CYB5B: variants seen among roughly 807,000 people sequenced by gnomAD.
The protein encoded by CYB5B is cytochrome b5 type B.
In CYB5B, 14 loss-of-function variants were observed where a neutral mutation model predicts 21.3. The observed-to-expected ratio is 0.66, with a 90% CI of 0.43 to 1.03. The LOEUF is 1.03. Among genes scored for constraint, CYB5B ranks in the 50% least tolerant of loss-of-function variants. CYB5B has a pLI of 0.00. For synonymous variants in CYB5B, 69 were observed against 68.4 expected (o/e 1.01, Z -0.04); for missense variants, 166 against 185.1 (o/e 0.90, Z 0.60).
chr16:69,428,055 G>A (rs1355913651), intron 1 of CYB5B, among the ~76,000 whole-genome samples: 2 of 151,732 alleles, frequency 1.3e-5, no homozygotes, highest in Non-Finnish European at 2.9e-5. Flanking sequence ...GAACTCCTGG[G>A]CTCAAGGGAT....
At position 69,424,632 on chromosome 16, in the gene CYB5B, G is replaced by T. The variant is rs2014620634; in HGVS notation, c.-52G>T. ...ACGGAAGCCGAGGAAGGCTGAGCGC[G>T]GGCTCTCAAGGAAAGTAGTCGCGGA... is the stretch of plus-strand genomic sequence containing the variant. On this transcript the variant is annotated 5_prime_UTR_variant, in exon 1 of 5. Coordinates refer to ENST00000307892, the MANE Select transcript of CYB5B (RefSeq NM_030579.3). The T allele has an allele frequency of 2.0e-6, 3 of 1,489,116 alleles. No homozygotes were observed. In the African/African-American group the frequency reaches 4.3e-5, roughly 21 times the overall value. The allele number at this position is 1,489,116 out of a possible 1,614,324, so 92.2% of individuals were successfully genotyped here.
intron 1 of CYB5B, among the ~76,000 whole-genome samples, chr16:69,426,218 C>T (rs1445513749): frequency 8.6e-5 from 13 of 150,388 alleles, no homozygotes; most frequent in Non-Finnish European, 1.8e-4. Flanking sequence ...GCTAACACGG[C>T]GAAACCCCAT....
chr16:69,462,733 G>GT lies in CYB5B; in HGVS notation c.*215dup, dbSNP rs1311354198. On this transcript the variant is annotated 3_prime_UTR_variant, in exon 5 of 5. Transcript: ENST00000307892. ...CCAAAGTACCTGCTCACTGTTCCGT[G>GT]TTGAACAATTGCCGGTGTTTCCTCT... 2 of 519,384 alleles carry GT rather than the reference G, an allele frequency of 3.9e-6. No homozygotes were observed. Among genetic ancestry groups the GT allele is most frequent in the East Asian group, 6.5e-5 (2 of 30,606 alleles). 32.2% of individuals were successfully genotyped at this position (519,384 alleles called of 1,614,324 possible).
intron 1 of CYB5B, among the ~76,000 whole-genome samples, chr16:69,425,553 G>C (rs968837511): frequency 2.0e-5 from 3 of 151,704 alleles, no homozygotes; most frequent in Non-Finnish European, 4.4e-5. Context: ...TTTTTTTAAG[G>C]AAACAGGATA....
chr16:69,448,186 A>C (rs201602865), intron 3 of CYB5B, 42 bp downstream of exon 3: 1 of 1,608,384 alleles, frequency 6.2e-7, no homozygotes, highest in East Asian at 2.2e-5. Flanking sequence ...ATTTGTGTTT[A>C]CTCAAGTAGG....
At chr16:69,442,515 T>C (rs1219584264) in intron 1 of CYB5B, among the ~76,000 whole-genome samples, 1 of 151,992 alleles carries the variant, frequency 6.6e-6, no homozygotes, top group Non-Finnish European at 1.5e-5. Flanking sequence ...TATTATTTTT[T>C]ACTTTTTAAT....
At chr16:69,424,968 A>G in intron 1 of CYB5B, 111 bp downstream of exon 1, 1 of 1,180,474 alleles carries the variant, frequency 8.5e-7, no homozygotes, top group Non-Finnish European at 1.1e-6. Flanking sequence ...GATAAGGCGT[A>G]AGAAAGGGAT....
At chr16:69,430,075 A>G (rs2014689733) in intron 1 of CYB5B, among the ~76,000 whole-genome samples, 3 of 152,210 alleles carry the variant, frequency 2.0e-5, no homozygotes, top group African/African-American at 7.2e-5. Flanking sequence ...AGTACATGTC[A>G]TTATCTTTCC....
intron 3 of CYB5B, chr16:69,449,083 A>G (rs1231675082): frequency 6.6e-6 from 1 of 152,216 alleles, no homozygotes; most frequent in Non-Finnish European, 1.5e-5. Flanking sequence ...CCATGTTGCT[A>G]GACTGCTACT....
chr16:69,459,190 T>A (rs2015010090), intron 4 of CYB5B, 69 bp downstream of exon 4: 3 of 1,553,494 alleles, frequency 1.9e-6, no homozygotes, highest in African/African-American at 1.4e-5. Flanking sequence ...TCCATAAGTA[T>A]ATGTATGTAA....
chr16:69,425,172 GTT>G (rs1335662526), intron 1 of CYB5B, among the ~76,000 whole-genome samples: 1 of 152,194 alleles, frequency 6.6e-6, no homozygotes, highest in Admixed American at 6.5e-5. Flanking sequence ...AGGCTCACAG[GTT>G]GAGGACTCTC....
rs1424941726 is a variant in CYB5B at position 69,462,681 on chromosome 16, C to T, written c.*161C>T. On this transcript the variant is annotated 3_prime_UTR_variant, in exon 5 of 5. Transcript: ENST00000307892. Reference sequence around the variant, plus strand: ...GACATCACCTCAGATCTGAGACCAGCGTCTTCCATCTCTCAGAGCCTTACT... The same window carrying T: ...GACATCACCTCAGATCTGAGACCAGTGTCTTCCATCTCTCAGAGCCTTACT... 2.9e-5 allele frequency: 18 copies of T among 614,640 alleles called. No homozygotes were observed. Among genetic ancestry groups the T allele is most frequent in the Non-Finnish European group, 3.8e-5 (13 of 342,992 alleles). The allele number at this position is 614,640 out of a possible 1,614,324, so 38.1% of individuals were successfully genotyped here.
intron 1 of CYB5B, among the ~76,000 whole-genome samples, chr16:69,438,003 C>T (rs1409652030): frequency 2.0e-5 from 3 of 152,106 alleles, no homozygotes; most frequent in Non-Finnish European, 4.4e-5. Flanking sequence ...TCATCAGTAC[C>T]ATCTATCTCC....
rs1053982707 is a variant in CYB5B at position 69,462,516 on chromosome 16, C to T, written c.449C>T (p.Ser150Phe). Residue 150 changes from serine (S) to phenylalanine (F), a missense_variant, in exon 5 of 5, where the codon TCC (serine) becomes TTC (phenylalanine). Coordinates refer to ENST00000307892, the MANE Select transcript of CYB5B (RefSeq NM_030579.3). ...TACTACACATCGGAAAGCAAATCCT[C>T]CTGAGGAGGCCTTGCTGAAGTTAGA... ...YRYYTSESKS[S>F] 6.2e-7 allele frequency: 1 copy of T among 1,613,600 alleles called. No individual in the cohort carries two copies. The highest frequency in any genetic ancestry group is 8.5e-7 in the Non-Finnish European group (1 of 1,179,612).
Position 69,465,747 on chromosome 16 carries a change from C to T in CYB5B, c.*3227C>T, listed in dbSNP as rs1323387715. On this transcript the variant is annotated 3_prime_UTR_variant, in exon 5 of 5. Coordinates refer to ENST00000307892, the MANE Select transcript of CYB5B (RefSeq NM_030579.3). ...GATTGAGATGCAGAACGTTAATGTTCATTACCTCCTCCTACCCCAAGAGAA... is the reference window on the plus strand; with the variant it reads ...GATTGAGATGCAGAACGTTAATGTTTATTACCTCCTCCTACCCCAAGAGAA... 6.6e-6 allele frequency: 1 copy of T among 152,184 alleles called. No homozygotes were observed. Among genetic ancestry groups the T allele is most frequent in the East Asian group, 1.9e-4 (1 of 5,194 alleles). 9.4% of individuals were successfully genotyped at this position (152,184 alleles called of 1,614,324 possible).
intron 1 of CYB5B, among the ~76,000 whole-genome samples, chr16:69,435,720 C>T (rs2014753545): frequency 6.6e-6 from 1 of 152,142 alleles, no homozygotes; most frequent in South Asian, 2.1e-4. Context: ...TCATTACAAC[C>T]TCTGCCTCCC....
At chr16:69,459,212 A>G in intron 4 of CYB5B, 91 bp downstream of exon 4, 1 of 1,455,418 alleles carries the variant, frequency 6.9e-7, no homozygotes, top group East Asian at 2.5e-5. Flanking sequence ...ATAACTTATG[A>G]GTGCAGTTTG....
chr16:69,461,901 G>A (rs8057870), intron 4 of CYB5B, among the ~76,000 whole-genome samples: 4 of 152,182 alleles, frequency 2.6e-5, no homozygotes, highest in African/African-American at 4.8e-5. Context: ...ACCCTATTTC[G>A]TAGGTTATCC....
At chr16:69,437,725 G>A (rs975920534) in intron 1 of CYB5B, among the ~76,000 whole-genome samples, 4 of 151,744 alleles carry the variant, frequency 2.6e-5, no homozygotes, top group East Asian at 1.9e-4. Flanking sequence ...AAACTTTTTC[G>A]TTACCACTCC....
Sources: allele counts gnomAD v4.1 joint callset (sites outside exome capture counted in the v4.1 genomes callset), GRCh38; gene constraint gnomAD v4.1.1; transcripts MANE v1.5; gene names NCBI Gene and HGNC (gene_info 2026-07-23, HGNC 2026-07-21).